HLCS: variants seen among roughly 807,000 people sequenced by gnomAD.
HLCS encodes holocarboxylase synthetase.
A neutral mutation model predicts 75.0 loss-of-function variants in HLCS; 53 were observed. The observed-to-expected ratio is 0.71, with a 90% CI of 0.57 to 0.89. HLCS has a LOEUF of 0.89. Among genes scored for constraint, HLCS ranks in the 40% least tolerant of loss-of-function variants. HLCS has a pLI of 0.00. For synonymous variants in HLCS, 431 were observed against 428.6 expected (o/e 1.01, Z -0.07); for missense variants, 966 against 1,074.0 (o/e 0.90, Z 1.41).
chr21:36,811,544 A>G (rs1044427684), intron 6 of HLCS, among the ~76,000 whole-genome samples: 4 of 152,198 alleles, frequency 2.6e-5, no homozygotes, highest in Non-Finnish European at 5.9e-5. Flanking sequence ...GTTCTAATGC[A>G]TGTCCCATCT....
intron 1 of HLCS, among the ~76,000 whole-genome samples, chr21:36,989,804 C>T (rs1028508245): frequency 7.2e-5 from 11 of 152,254 alleles, no homozygotes; most frequent in African/African-American, 2.6e-4. Flanking sequence ...GGCCAGGGGC[C>T]CGTGGGAGGG....
Position 36,936,818 on chromosome 21 carries a change from C to A in HLCS, c.1068G>T (p.Pro356=), listed in dbSNP as rs73196003. The A allele has an allele frequency of 1.9e-6, 3 of 1,614,158 alleles. No homozygotes were observed. The highest frequency in any genetic ancestry group is 1.7e-6 in the Non-Finnish European group (2 of 1,180,036). The change falls in exon 4 of 11, where the codon CCG becomes CCT. Residue 356 remains proline (P), a synonymous_variant. Coordinates refer to ENST00000674895, the MANE Select transcript of HLCS (RefSeq NM_001352514.2). ...HLLEDSALRD[P]WTDNCLLLVI... ...CCAACAGCAGACAGTTGTCCGTCCA[C>A]GGGTCTCTGAGAGCACTGTCCTCCA...
chr21:36,849,619 G>C (rs997775599), intron 6 of HLCS, among the ~76,000 whole-genome samples: 4 of 152,188 alleles, frequency 2.6e-5, no homozygotes, highest in Admixed American at 2.0e-4. Context: ...GGGTGGTCAG[G>C]GCACAGCCAA....
At chr21:36,769,261 C>T (rs959177060) in intron 6 of HLCS, among the ~76,000 whole-genome samples, 3 of 152,114 alleles carry the variant, frequency 2.0e-5, no homozygotes, top group South Asian at 2.1e-4. Context: ...GGGAGACAAC[C>T]GGGGAAGGAG....
chr21:36,797,080 G>A (rs777177258), intron 6 of HLCS, among the ~76,000 whole-genome samples: 8 of 151,842 alleles, frequency 5.3e-5, no homozygotes, highest in African/African-American at 9.7e-5. Context: ...TTGGCCAGGC[G>A]TATCTCAAAC....
intron 6 of HLCS, among the ~76,000 whole-genome samples, chr21:36,778,817 G>T (rs1017751097): frequency 6.6e-6 from 1 of 152,128 alleles, no homozygotes; most frequent in African/African-American, 2.4e-5. Flanking sequence ...TCTGGCAAGT[G>T]AATGCTCCTT....
chr21:36,776,350 G>C (rs1243387903), intron 6 of HLCS, among the ~76,000 whole-genome samples: 1 of 152,002 alleles, frequency 6.6e-6, no homozygotes, highest in African/African-American at 2.4e-5. Context: ...CTAAAACCCA[G>C]GGTTTATCTT....
chr21:36,762,116 A>G (rs998398142), intron 8 of HLCS, among the ~76,000 whole-genome samples: 1 of 152,212 alleles, frequency 6.6e-6, no homozygotes, highest in Admixed American at 6.5e-5. Context: ...ATAAAAAAAG[A>G]CCAAAATGAA....
chr21:36,976,349 ATAGCTGACTATCAG>A (rs1317716388), intron 1 of HLCS, among the ~76,000 whole-genome samples: 3 of 152,196 alleles, frequency 2.0e-5, no homozygotes, highest in Admixed American at 2.0e-4. Context: ...TTTCTGTACA[ATAGCTGACTATCAG>A]TAAGTCATTA....
In HLCS at chr21:36,751,391, C is replaced by G. The variant is rs1258711464; in HGVS notation, c.*2855G>C. On this transcript the variant is annotated 3_prime_UTR_variant, in exon 11 of 11. Coordinates refer to ENST00000674895, the MANE Select transcript of HLCS (RefSeq NM_001352514.2). ...GTTAAGAGCAAACAGATCTGGAGAA[C>G]GGAAGCCCACCCTGCCTCCCTTTTC... 1 of 152,518 alleles carries G rather than the reference C, an allele frequency of 6.6e-6. No homozygotes were observed. The highest frequency in any genetic ancestry group is 6.5e-5 in the Admixed American group (1 of 15,290). 9.4% of individuals were successfully genotyped at this position (152,518 alleles called of 1,614,324 possible).
At chr21:36,958,103 T>C (rs760054631) in intron 2 of HLCS, among the ~76,000 whole-genome samples, 5 of 150,050 alleles carry the variant, frequency 3.3e-5, no homozygotes, top group Non-Finnish European at 7.4e-5. Flanking sequence ...ATTAGCCGGA[T>C]GTGGCAGCAT....
At chr21:36,965,473 T>C (rs751363589) in intron 1 of HLCS, among the ~76,000 whole-genome samples, 1 of 152,154 alleles carries the variant, frequency 6.6e-6, no homozygotes, top group Non-Finnish European at 1.5e-5. Flanking sequence ...TTTACAGAGA[T>C]TAATTGACTG....
intron 6 of HLCS, among the ~76,000 whole-genome samples, chr21:36,835,679 C>T (rs1468780614): frequency 6.6e-6 from 1 of 152,178 alleles, no homozygotes; most frequent in African/African-American, 2.4e-5. Context: ...CAATCCAGGG[C>T]AGAATCAGCT....
intron 1 of HLCS, among the ~76,000 whole-genome samples, chr21:36,981,680 G>A (rs777750258): frequency 2.6e-5 from 4 of 152,060 alleles, no homozygotes; most frequent in Non-Finnish European, 5.9e-5. Flanking sequence ...GGTTACAGCT[G>A]TAAGCCACTG....
At position 36,748,945 on chromosome 21, in the gene HLCS, C is replaced by T. The variant is rs2089281189; in HGVS notation, c.*5301G>A. 1 of 152,562 alleles carries T rather than the reference C, an allele frequency of 6.6e-6. No individual in the cohort carries two copies. Among genetic ancestry groups the T allele is most frequent in the South Asian group, 2.1e-4 (1 of 4,818 alleles). The allele number at this position is 152,562 out of a possible 1,614,324, so 9.5% of individuals were successfully genotyped here. The stretch of plus-strand genomic sequence containing the variant: ...ACACAGATCTGTAATTCACTAGGCT[C>T]GTGTTTGCTACAAATAGTGCTAATA... On this transcript the variant is annotated 3_prime_UTR_variant, in exon 11 of 11. Transcript: ENST00000674895.
intron 6 of HLCS, among the ~76,000 whole-genome samples, chr21:36,841,508 T>C (rs1036206271): frequency 1.4e-4 from 22 of 152,208 alleles, no homozygotes; most frequent in African/African-American, 5.1e-4. Flanking sequence ...GCAACTTTTG[T>C]GGAAAGCAAG....
intron 5 of HLCS, among the ~76,000 whole-genome samples, chr21:36,901,350 T>G (rs1381099423): frequency 6.6e-6 from 1 of 152,068 alleles, no homozygotes; most frequent in Admixed American, 6.5e-5. Context: ...TGGATATCAA[T>G]TTGAGAATTG....
At chr21:36,901,246 AT>A (rs1378929424) in intron 5 of HLCS, among the ~76,000 whole-genome samples, 1 of 151,928 alleles carries the variant, frequency 6.6e-6, no homozygotes, top group Non-Finnish European at 1.5e-5. Context: ...CGGTCTCAAA[AT>A]TTTTTTTAAA....
chr21:36,785,983 C>T (rs2060674473), intron 6 of HLCS, among the ~76,000 whole-genome samples: 1 of 152,146 alleles, frequency 6.6e-6, no homozygotes, highest in African/African-American at 2.4e-5. Context: ...CTGTCTGTGG[C>T]CCTGAGAGCT....
Sources: allele counts gnomAD v4.1 joint callset (sites outside exome capture counted in the v4.1 genomes callset), GRCh38; gene constraint gnomAD v4.1.1; transcripts MANE v1.5; gene names NCBI Gene and HGNC (gene_info 2026-07-23, HGNC 2026-07-21).